The following TTF2 variants were observed in gnomAD, a reference collection of about 807,000 sequenced individuals.
TTF2 encodes RNA polymerase II termination factor.
Under a neutral mutation model 142.4 loss-of-function variants are expected in TTF2, and 108 were observed. That is an observed-to-expected ratio of 0.76 (90% CI 0.65 to 0.89). The LOEUF is 0.89. TTF2 is among the 40% of genes least tolerant of loss of function. TTF2 has a pLI of 0.00. For synonymous variants in TTF2, 483 were observed against 506.2 expected, an observed-to-expected ratio of 0.95 and a Z score of 0.61; for missense variants, 1,327 against 1,379.8, an observed-to-expected ratio of 0.96 and a Z score of 0.61.
At position 117,084,195 on chromosome 1, in the gene TTF2, G is replaced by A. The variant is rs1462038077; in HGVS notation, c.2054+27G>A. On this transcript the variant is annotated intron_variant, in intron 11 of 22. Transcript: ENST00000369466. ...TAAGTGCAGGAATACGCAGTTGTGG[G>A]GGCGTTCAGCACCTCTGCCCAAGGG... 6 of 1,613,370 alleles carry A rather than the reference G, an allele frequency of 3.7e-6. No homozygotes were observed. In the East Asian group the frequency reaches 8.9e-5, roughly 24 times the overall value.
chr1:117,086,272 C>CGT lies in TTF2; in HGVS notation c.2055-136_2055-135dup. On this transcript the variant is annotated intron_variant, in intron 11 of 22. Coordinates refer to ENST00000369466, the MANE Select transcript of TTF2 (RefSeq NM_003594.4). This position sits in a 1 kb window ranked among gnomAD's most constrained non-coding sequence, Gnocchi z 4.2. ...ATGTGTGTGTGTGTGTGTGTGTGTG[C>CGT]GTGTGTGTGTTAAGGACACAAGTTA... The CGT allele has an allele frequency of 4.1e-6, 2 of 484,580 alleles. No individual in the cohort carries two copies. Among genetic ancestry groups the CGT allele is most frequent in the Admixed American group, 3.1e-5 (1 of 32,448 alleles). 30.0% of individuals were successfully genotyped at this position (484,580 alleles called of 1,614,324 possible). A position where few individuals can be genotyped will look rare whatever the true frequency, so the allele number is the denominator to read the frequency against.
intron 13 of TTF2, among the ~76,000 whole-genome samples, chr1:117,089,260 C>CTATCTATATATATATATATATATATA (rs1648343599): frequency 4.4e-5 from 6 of 137,468 alleles, no homozygotes; most frequent in South Asian, 2.4e-4. Context: ...CAAATATATG[C>CTATCTATATATATATATATATATATA]TATATATATA....
chr1:117,060,977 T>A (rs3767777), intron 2 of TTF2, among the ~76,000 whole-genome samples: 13,953 of 152,266 alleles, frequency 0.092, 864 homozygotes, highest in African/African-American at 0.16. Context: ...CCCGACGGTT[T>A]TTTTTAAATG....
At chr1:117,068,730 T>C (rs1305036252) in intron 3 of TTF2, among the ~76,000 whole-genome samples, 2 of 152,116 alleles carry the variant, frequency 1.3e-5, no homozygotes, top group Non-Finnish European at 1.5e-5. Flanking sequence ...AGGATGGTGA[T>C]AGAGAGGCAA....
In TTF2 at chr1:117,091,358, T is replaced by C. The variant is rs1314801806; in HGVS notation, c.2619T>C (p.His873=). 6.2e-7 allele frequency: 1 copy of C among 1,613,308 alleles called. No homozygotes were observed. The highest frequency in any genetic ancestry group is 8.5e-7 in the Non-Finnish European group (1 of 1,179,854). Residue 873 remains histidine, a synonymous_variant, in exon 16 of 23, where the codon CAT becomes CAC. Coordinates refer to ENST00000369466, the MANE Select transcript of TTF2 (RefSeq NM_003594.4). ...CTCTGCAATCCTATCTAAAAAGACA[T>C]GAAAGTAGAGGCAACCAATCTGGAA... ...RSALQSYLKR[H]ESRGNQSGRS...
chr1:117,072,081 C>A (rs1656621247), intron 3 of TTF2, among the ~76,000 whole-genome samples: 1 of 152,084 alleles, frequency 6.6e-6, no homozygotes, highest in Admixed American at 6.5e-5. Flanking sequence ...CATGCAAAGT[C>A]TAGTAGACTG....
intron 10 of TTF2, 124 bp downstream of exon 10, chr1:117,082,071 AT>A: frequency 6.0e-6 from 8 of 1,342,106 alleles, no homozygotes; most frequent in African/African-American, 1.4e-5. Context: ...GAAAACCAGT[AT>A]TAGATTACTC....
chr1:117,083,241 C>CAAA (rs937586299), intron 10 of TTF2, among the ~76,000 whole-genome samples: 4 of 53,278 alleles, frequency 7.5e-5, no homozygotes, highest in Non-Finnish European at 8.0e-5. Flanking sequence ...GACTCCGTCT[C>CAAA]AAAAAAAAAA....
At chr1:117,096,409 C>A in intron 20 of TTF2, 110 bp downstream of exon 20, 2 of 1,390,006 alleles carry the variant, frequency 1.4e-6, no homozygotes, top group Non-Finnish European at 2.0e-6. Context: ...CGGAGTTTTG[C>A]TCTTGTTGCC....
At position 117,081,841 on chromosome 1, in the gene TTF2, C is replaced by G; in HGVS notation, c.1797C>G (p.Gly599=). Residue 599 remains glycine (G), a synonymous_variant, in exon 10 of 23, where the codon GGC becomes GGG. Transcript: ENST00000369466. ...PQGGILADDM[G]LGKTLTMIAL... ...TTTATTTTCTAGCAGATGATATGGG[C>G]TTAGGAAAAACCCTGACAATGATTG... 1 of 1,613,846 alleles carries G rather than the reference C, an allele frequency of 6.2e-7. No homozygotes were observed. The highest frequency in any genetic ancestry group is 8.5e-7 in the Non-Finnish European group (1 of 1,179,920).
chr1:117,088,264 G>A (rs758552005), intron 12 of TTF2, among the ~76,000 whole-genome samples: 13 of 152,220 alleles, frequency 8.5e-5, no homozygotes, highest in East Asian at 1.9e-4. Flanking sequence ...TCGGCTGGGC[G>A]CGGTGGCTCA....
chr1:117,093,176 G>A lies in TTF2; in HGVS notation c.2976+275G>A, dbSNP rs909722760. Among the ~76,000 whole-genome samples the A allele has an allele frequency of 1.3e-5, 2 of 152,212 alleles. No homozygotes were observed. The highest frequency in any genetic ancestry group is 4.8e-5 in the African/African-American group (2 of 41,448). The stretch of plus-strand genomic sequence containing the variant: ...GTTTTCTGTCATGGGTCACTGGGGA[G>A]CTTGCCAGGTTTGTGCTAGGGACGG... On this transcript the variant is annotated intron_variant, in intron 18 of 22. Coordinates refer to ENST00000369466, the MANE Select transcript of TTF2 (RefSeq NM_003594.4). This position sits in a 1 kb window ranked among gnomAD's most constrained non-coding sequence, Gnocchi z 4.5.
chr1:117,090,023 C>G lies in TTF2; in HGVS notation c.2343-32C>G. The stretch of plus-strand genomic sequence containing the variant: ...TCCATTCTCCCTGACTTTTCCTTCC[C>G]TACTCTGTGCCCTTCTTCCTCAACA... On this transcript the variant is annotated intron_variant, in intron 13 of 22. Coordinates refer to ENST00000369466, the MANE Select transcript of TTF2 (RefSeq NM_003594.4). This position sits in a 1 kb window ranked among gnomAD's most constrained non-coding sequence, Gnocchi z 4.8. 1.9e-6 allele frequency: 3 copies of G among 1,602,252 alleles called. No individual in the cohort carries two copies. The highest frequency in any genetic ancestry group is 2.6e-6 in the Non-Finnish European group (3 of 1,174,178).
chr1:117,104,314 A>G lies in TTF2; in HGVS notation c.*2790A>G, dbSNP rs1649799426. On this transcript the variant is annotated 3_prime_UTR_variant, in exon 23 of 23. Coordinates refer to ENST00000369466, the MANE Select transcript of TTF2 (RefSeq NM_003594.4). ...TGCTCCACTGGGAATTTCATAGCAA[A>G]TATATATACTACAACATGGTTGACC... 2 of 152,238 alleles carry G rather than the reference A, an allele frequency of 1.3e-5. No individual in the cohort carries two copies. Among genetic ancestry groups the G allele is most frequent in the East Asian group, 1.9e-4 (1 of 5,198 alleles). 9.4% of individuals were successfully genotyped at this position (152,238 alleles called of 1,614,324 possible).
rs1553201668 is a variant in TTF2, at chr1:117,104,823, T to TCCTCATGAGGCTTAGCATCTAAGGGA, written c.*3300_*3325dup. 1 of 152,254 alleles carries TCCTCATGAGGCTTAGCATCTAAGGGA rather than the reference T, an allele frequency of 6.6e-6. No individual in the cohort carries two copies. The highest frequency in any genetic ancestry group is 1.5e-5 in the Non-Finnish European group (1 of 68,060). The allele number at this position is 152,254 out of a possible 1,614,324, so 9.4% of individuals were successfully genotyped here. On this transcript the variant is annotated 3_prime_UTR_variant, in exon 23 of 23. Transcript: ENST00000369466. ...GGTTTGTTTGGTTTTTTTTGTTTTG[T>TCCTCATGAGGCTTAGCATCTAAGGGA]CCTCATGAGGCTTAGCATCTAAGGG...
At position 117,088,993 on chromosome 1, in the gene TTF2, T is replaced by A. The variant is rs368121523; in HGVS notation, c.2342+11T>A. On this transcript the variant is annotated intron_variant, in intron 13 of 22. Transcript: ENST00000369466. ...GTATTCGCTGCTGAAGTGAGTAACT[T>A]CTCGTGATTGTGTAAATATGAACCC... 1 of 1,594,228 alleles carries A rather than the reference T, an allele frequency of 6.3e-7. No individual in the cohort carries two copies. The highest frequency in any genetic ancestry group is 1.4e-5 in the African/African-American group (1 of 73,884).
Position 117,098,835 on chromosome 1 carries a change from A to G in TTF2, c.3272A>G (p.Asn1091Ser), listed in dbSNP as rs752103506. Residue 1091 changes from asparagine (N) to serine (S), a missense_variant and splice_region_variant, in exon 22 of 23, where the codon AAT becomes AGT. Transcript: ENST00000369466. Reference protein sequence around the residue: ...NHLFLLDMHWNPSLEDQACDR... With the variant: ...NHLFLLDMHWSPSLEDQACDR... ...GAGCTTTAGCTGTCTTCTAACAGGAATCCATCACTTGAAGATCAAGCTTGT... is the reference window on the plus strand; with the variant it reads ...GAGCTTTAGCTGTCTTCTAACAGGAGTCCATCACTTGAAGATCAAGCTTGT... The G allele has an allele frequency of 1.3e-5, 21 of 1,611,354 alleles. No individual in the cohort carries two copies. The South Asian group carries it at 2.2e-4, about 17-fold the overall frequency.
In TTF2 at chr1:117,094,000, C is replaced by T. The variant is rs1312913290; in HGVS notation, c.2976+1099C>T. Among the ~76,000 whole-genome samples, 1 of 152,216 alleles carries T rather than the reference C, an allele frequency of 6.6e-6. No homozygotes were observed. Among genetic ancestry groups the T allele is most frequent in the African/African-American group, 2.4e-5 (1 of 41,464 alleles). ...TTTCATGTGGGAGTCACAGCGCCTT[C>T]CACAATCTCAAGTTGCCAAGACACC... is the stretch of plus-strand genomic sequence containing the variant. On this transcript the variant is annotated intron_variant, in intron 18 of 22. Coordinates refer to ENST00000369466, the MANE Select transcript of TTF2 (RefSeq NM_003594.4). This position sits in a 1 kb window ranked among gnomAD's most constrained non-coding sequence, Gnocchi z 4.5.
Position 117,098,876 on chromosome 1 carries a change from G to A in TTF2, c.3313G>A (p.Val1105Ile), listed in dbSNP as rs1649372650. 5.0e-6 allele frequency: 8 copies of A among 1,612,592 alleles called. No homozygotes were observed. In the South Asian group the frequency reaches 8.8e-5, roughly 18 times the overall value. Reference sequence around the variant, plus strand: ...TCAAGCTTGTGACCGAATTTACCGAGTAGGGCAGCAGAAAGATGTTGTCAT... The same window carrying A: ...TCAAGCTTGTGACCGAATTTACCGAATAGGGCAGCAGAAAGATGTTGTCAT... Reference protein sequence around the residue: ...EDQACDRIYRVGQQKDVVIHR... With the variant: ...EDQACDRIYRIGQQKDVVIHR... Residue 1105 changes from valine (V) to isoleucine (I), a missense_variant, in exon 22 of 23, where the codon GTA (valine) becomes ATA (isoleucine). Transcript: ENST00000369466.
Sources: gnomAD v4.1 joint callset for allele counts (sites outside exome capture counted in the v4.1 genomes callset) on GRCh38, gnomAD v4.1.1 for gene constraint, Gnocchi (gnomAD v3.1) non-coding constraint, MANE v1.5 for transcripts, NCBI Gene and HGNC (gene_info 2026-07-23, HGNC 2026-07-21) for gene names.